The following NRXN3 variants were observed in gnomAD, a reference collection of about 807,000 sequenced individuals.
NRXN3 encodes the protein neurexin III.
In NRXN3, 32 loss-of-function variants were observed where a neutral mutation model predicts 137.6. The observed-to-expected ratio is 0.23, with a 90% CI of 0.18 to 0.31. The LOEUF is 0.31. Among genes scored for constraint, NRXN3 ranks in the 10% least tolerant of loss-of-function variants. The probability of loss-of-function intolerance (pLI) is 1.00; values close to 1 mark genes in which losing one functional copy is unlikely to be tolerated. For missense variants in NRXN3, 1,574 were observed against 2,062.5 expected (o/e 0.76, Z 4.59); for synonymous variants, 798 against 784.5 (o/e 1.02, Z -0.29).
intron 10 of NRXN3, among the ~76,000 whole-genome samples, chr14:78,918,863 C>A (rs759087651): frequency 2.6e-5 from 4 of 152,040 alleles, no homozygotes; most frequent in Non-Finnish European, 5.9e-5. Flanking sequence ...AGAGGTTACA[C>A]CATCCAGGTT....
intron 2 of NRXN3, among the ~76,000 whole-genome samples, chr14:78,254,424 T>C (rs911571313): frequency 2.6e-5 from 4 of 152,174 alleles, no homozygotes; most frequent in African/African-American, 9.7e-5. Flanking sequence ...CTCATGCCTG[T>C]AATCCCAGCA....
chr14:78,844,760 A>C (rs2099021830), intron 10 of NRXN3, among the ~76,000 whole-genome samples: 1 of 152,098 alleles, frequency 6.6e-6, no homozygotes, highest in African/African-American at 2.4e-5. Context: ...GGTTGAAAAA[A>C]TATTCTGGAG....
intron 10 of NRXN3, among the ~76,000 whole-genome samples, chr14:78,861,426 G>A (rs909471640): frequency 6.6e-6 from 1 of 151,600 alleles, no homozygotes; most frequent in Non-Finnish European, 1.5e-5. Context: ...TTTTTTCTTG[G>A]AATCCTGTTG....
At chr14:79,707,759 C>T (rs2098786724) in intron 19 of NRXN3, among the ~76,000 whole-genome samples, 1 of 151,978 alleles carries the variant, frequency 6.6e-6, no homozygotes, top group South Asian at 2.1e-4. Context: ...TTTATTTTAA[C>T]ATTATCTAGC....
intron 20 of NRXN3, among the ~76,000 whole-genome samples, chr14:79,838,084 T>C (rs1176509751): frequency 1.3e-5 from 2 of 148,378 alleles, no homozygotes; most frequent in African/African-American, 4.9e-5. Context: ...CTGAATAGTA[T>C]ACAGTGTTAA....
intron 15 of NRXN3, among the ~76,000 whole-genome samples, chr14:79,260,780 T>C (rs568026637): frequency 6.6e-6 from 1 of 152,322 alleles, no homozygotes; most frequent in African/African-American, 2.4e-5. Flanking sequence ...GTATATTCTC[T>C]TTCCAGAACT....
chr14:79,622,658 G>C (rs747294759), intron 16 of NRXN3, among the ~76,000 whole-genome samples: 1 of 151,988 alleles, frequency 6.6e-6, no homozygotes, highest in Non-Finnish European at 1.5e-5. Flanking sequence ...GTGTAATGGC[G>C]CAATCTCGGC....
At chr14:79,072,228 C>T (rs191557572) in intron 15 of NRXN3, 12 of 152,212 alleles carry the variant, frequency 7.9e-5, no homozygotes, top group Admixed American at 2.0e-4. Flanking sequence ...TGTATGAAAC[C>T]GGTAAATATT....
Position 78,312,704 on chromosome 14 carries a change from C to T in NRXN3, c.757+14844C>T, listed in dbSNP as rs1308212469. 7.9e-5 allele frequency among the ~76,000 whole-genome samples: 12 copies of T among 151,762 alleles called. 1 individual carries two copies. In the South Asian group the frequency reaches 1.0e-3, roughly 13 times the overall value. On this transcript the variant is annotated intron_variant, in intron 4 of 20. Transcript: ENST00000335750. The stretch of plus-strand genomic sequence containing the variant: ...TGTCTGATGGGTTAAGTTTAGTGCC[C>T]GTCCGTGAGGCAGCCTTGGGGGATG...
chr14:78,752,048 G>A (rs188944056), intron 8 of NRXN3, among the ~76,000 whole-genome samples: 76 of 152,310 alleles, frequency 5.0e-4, no homozygotes, highest in Admixed American at 2.1e-3. Flanking sequence ...GCAAGTGTTC[G>A]TGTATTTGTG....
At chr14:79,749,031 T>G (rs1191260445) in intron 19 of NRXN3, among the ~76,000 whole-genome samples, 47 of 151,828 alleles carry the variant, frequency 3.1e-4, no homozygotes, top group Admixed American at 3.1e-3. Context: ...AGAAGGAAAA[T>G]TTTTTATAGT....
At chr14:79,694,398 G>A (rs1365009821) in intron 18 of NRXN3, among the ~76,000 whole-genome samples, 2 of 151,882 alleles carry the variant, frequency 1.3e-5, no homozygotes, top group Non-Finnish European at 2.9e-5. Flanking sequence ...ACTTCCAAGA[G>A]GATGGGTATC....
At chr14:78,964,208 T>A (rs1000960669) in intron 11 of NRXN3, among the ~76,000 whole-genome samples, 1 of 152,236 alleles carries the variant, frequency 6.6e-6, no homozygotes, top group Non-Finnish European at 1.5e-5. Context: ...TTTTTGTCAC[T>A]GTAATTCTGA....
chr14:79,819,607 C>A (rs2099264760), intron 20 of NRXN3, among the ~76,000 whole-genome samples: 1 of 150,748 alleles, frequency 6.6e-6, no homozygotes, highest in Non-Finnish European at 1.5e-5. Context: ...GCCTCAACCG[C>A]CTGAGTAGCT....
chr14:79,480,798 T>C (rs549411478), intron 16 of NRXN3, among the ~76,000 whole-genome samples: 22 of 152,158 alleles, frequency 1.4e-4, no homozygotes, highest in African/African-American at 5.1e-4. Flanking sequence ...TGTGTAAAAG[T>C]GTGTAGCACC....
At chr14:78,250,424 C>T (rs902256657) in intron 2 of NRXN3, among the ~76,000 whole-genome samples, 11 of 152,304 alleles carry the variant, frequency 7.2e-5, no homozygotes, top group South Asian at 2.1e-4. Context: ...TCCTTTTGAG[C>T]GACCCCTACC....
At chr14:79,287,133 T>C (rs1056808519) in intron 15 of NRXN3, among the ~76,000 whole-genome samples, 3 of 152,200 alleles carry the variant, frequency 2.0e-5, no homozygotes, top group African/African-American at 4.8e-5. Context: ...TTCCTATCTA[T>C]ACATACACTT....
chr14:78,761,612 A>G (rs1034417395), intron 8 of NRXN3, among the ~76,000 whole-genome samples: 2 of 152,204 alleles, frequency 1.3e-5, no homozygotes, highest in Non-Finnish European at 2.9e-5. Context: ...TTTCCCATCT[A>G]TAAACTCTTA....
At chr14:78,726,244 GT>G (rs945326193) in intron 8 of NRXN3, among the ~76,000 whole-genome samples, 1 of 151,972 alleles carries the variant, frequency 6.6e-6, no homozygotes, top group African/African-American at 2.4e-5. Flanking sequence ...AGAACGTGCA[GT>G]TTTTTTACAT....
Sources: gnomAD v4.1 joint callset for allele counts (sites outside exome capture counted in the v4.1 genomes callset) on GRCh38, gnomAD v4.1.1 for gene constraint, MANE v1.5 for transcripts, NCBI Gene and HGNC (gene_info 2026-07-23, HGNC 2026-07-21) for gene names.